NAA60: variants seen among roughly 807,000 people sequenced by gnomAD.
NAA60 encodes N-alpha-acetyltransferase 60.
A neutral mutation model predicts 26.1 loss-of-function variants in NAA60; 8 were observed. The observed-to-expected ratio is 0.31, with a 90% CI of 0.18 to 0.55. The LOEUF (loss-of-function observed/expected upper bound fraction) is 0.55. NAA60 is among the 20% of genes least tolerant of loss of function. The pLI is 0.93. For missense variants in NAA60, 290 were observed against 311.3 expected (o/e 0.93, Z 0.51); for synonymous variants, 131 against 122.5 (o/e 1.07, Z -0.46).
At chr16:3,443,646 G>A, upstream of NAA60, 9 of 1,165,758 alleles carry the variant, frequency 7.7e-6, no homozygotes, top group Non-Finnish European at 1.0e-5. Flanking sequence ...AGCTGCGAGA[G>A]GTAGTTTTCC....
At chr16:3,458,351 G>A (rs2035131544) in intron 2 of NAA60, among the ~76,000 whole-genome samples, 1 of 151,546 alleles carries the variant, frequency 6.6e-6, no homozygotes, top group African/African-American at 2.4e-5. Flanking sequence ...CGGTCCTCCC[G>A]GGAGCCGGTT....
In NAA60 at chr16:3,447,507, AC is replaced by A. The variant is rs544383789; in HGVS notation, c.-76-963del. The A allele has an allele frequency of 1.3e-4, 132 of 985,386 alleles. 1 individual carries two copies. The African/African-American group carries it at 2.1e-3, about 16-fold the overall frequency. The allele number at this position is 985,386 out of a possible 1,614,324, so 61.0% of individuals were successfully genotyped here. The stretch of plus-strand genomic sequence containing the variant: ...ATGGTACTGCCTTTTAAGGTCTATT[AC>A]TTAAACATAAGTATGGCTCTGGTTC... On this transcript the variant is annotated intron_variant, in intron 1 of 7. Coordinates refer to ENST00000407558, the MANE Select transcript of NAA60 (RefSeq NM_001083601.3).
chr16:3,472,428 A>G (rs1056845321), intron 2 of NAA60: 1 of 151,958 alleles, frequency 6.6e-6, no homozygotes, highest in Non-Finnish European at 1.5e-5. Context: ...TGTTTTGTTT[A>G]TTTTTTGAGA....
intron 4 of NAA60, 151 bp from the exon 5 acceptor site, chr16:3,482,351 C>A (rs979581621): frequency 4.6e-6 from 3 of 650,638 alleles, no homozygotes; most frequent in Non-Finnish European, 8.2e-6. Flanking sequence ...GGAGTGGGGG[C>A]CCCTCTCCAG....
At chr16:3,482,473 C>G (rs557757146) in intron 4 of NAA60, 29 bp from the exon 5 acceptor site, 3 of 1,549,908 alleles carry the variant, frequency 1.9e-6, no homozygotes, top group Non-Finnish European at 2.6e-6. Context: ...GACGTGTGAG[C>G]CTGACTTTCT....
intron 2 of NAA60, chr16:3,458,011 C>T: frequency 2.0e-6 from 2 of 985,318 alleles, no homozygotes; most frequent in Non-Finnish European, 2.4e-6. Flanking sequence ...GCGCTGCCGG[C>T]AGGGAGCGGG....
At chr16:3,480,818 A>G (rs60045698) in intron 4 of NAA60, among the ~76,000 whole-genome samples, 3,071 of 152,252 alleles carry the variant, frequency 0.02, 100 homozygotes, top group African/African-American at 0.07. Flanking sequence ...AGGCACAAGA[A>G]TCACTTGAAC....
At chr16:3,473,535 G>A (rs978592505) in intron 2 of NAA60, among the ~76,000 whole-genome samples, 8 of 152,144 alleles carry the variant, frequency 5.3e-5, no homozygotes, top group Non-Finnish European at 2.9e-5. Flanking sequence ...TGGGAATTTT[G>A]GGAGCTACAA....
At chr16:3,448,590 G>C (rs935594747) in intron 2 of NAA60, 50 bp downstream of exon 2, 43 of 1,452,720 alleles carry the variant, frequency 3.0e-5, no homozygotes, top group Non-Finnish European at 3.8e-5. Flanking sequence ...CTCATAGTCA[G>C]AGGAAGCCTA....
chr16:3,462,188 GA>G (rs1269148814), intron 2 of NAA60, among the ~76,000 whole-genome samples: 1 of 150,326 alleles, frequency 6.7e-6, no homozygotes, highest in Non-Finnish European at 1.5e-5. Flanking sequence ...CTGTATTCCT[GA>G]AATAGGGTCG....
chr16:3,479,650 G>C, intron 4 of NAA60, 50 bp downstream of exon 4: 3 of 1,594,972 alleles, frequency 1.9e-6, no homozygotes, highest in Non-Finnish European at 2.6e-6. Context: ...CATTGGACGG[G>C]CCAAGGGGGC....
intron 1 of NAA60, among the ~76,000 whole-genome samples, chr16:3,445,274 C>CTTTTTTTTTT (rs1452284919): frequency 2.4e-5 from 3 of 125,532 alleles, no homozygotes; most frequent in Non-Finnish European, 4.8e-5. Flanking sequence ...TTGTGCTTAT[C>CTTTTTTTTTT]TCTTTTTTTT....
At chr16:3,470,330 A>G (rs2036048927) in intron 2 of NAA60, among the ~76,000 whole-genome samples, 1 of 152,162 alleles carries the variant, frequency 6.6e-6, no homozygotes. Flanking sequence ...CCCAGCCTGT[A>G]GGTGAAGGTG....
rs1228233879 is a variant in NAA60 at position 3,462,086 on chromosome 16, CA to C, written c.-7+13565del. Reference sequence around the variant, plus strand: ...GGAGTGATAGAGCCAGACCTTATATCAAAAAAAAAAAAAAAAAAACCTTTCA... The same window carrying C: ...GGAGTGATAGAGCCAGACCTTATATCAAAAAAAAAAAAAAAAAACCTTTCA... On this transcript the variant is annotated intron_variant, in intron 2 of 7. Coordinates refer to ENST00000407558, the MANE Select transcript of NAA60 (RefSeq NM_001083601.3). Among the ~76,000 whole-genome samples the C allele has an allele frequency of 3.1e-3, 241 of 76,770 alleles. 1 individual carries two copies. Among genetic ancestry groups the C allele is most frequent in the Middle Eastern group, 7.8e-3 (1 of 128 alleles). The allele number at this position is 76,770 out of a possible 152,430, so 50.4% of individuals were successfully genotyped here.
Position 3,463,585 on chromosome 16 carries a change from G to A in NAA60, c.-6-12637G>A, listed in dbSNP as rs143882456. Among the ~76,000 whole-genome samples the A allele has an allele frequency of 9.6e-4, 144 of 149,936 alleles. No homozygotes were observed. In the Middle Eastern group the frequency reaches 0.014, roughly 15 times the overall value. On this transcript the variant is annotated intron_variant, in intron 2 of 7. Transcript: ENST00000407558. The stretch of plus-strand genomic sequence containing the variant: ...AAAAAAAAAAAAAATGCAAGCTGGC[G>A]CGGATGCAGTGGCTGAGACCTGTAA...
chr16:3,457,468 C>T (rs1454617452), intron 2 of NAA60, among the ~76,000 whole-genome samples: 2 of 152,198 alleles, frequency 1.3e-5, no homozygotes, highest in Non-Finnish European at 2.9e-5. Context: ...CGCGTTAGAT[C>T]TTGCATTATA....
chr16:3,462,099 A>C (rs937617624), intron 2 of NAA60, among the ~76,000 whole-genome samples: 4 of 151,712 alleles, frequency 2.6e-5, no homozygotes, highest in Admixed American at 6.6e-5. Flanking sequence ...AAAAAAAAAA[A>C]AAAAAACCTT....
chr16:3,451,242 G>A (rs970947897), intron 2 of NAA60, among the ~76,000 whole-genome samples: 1 of 152,140 alleles, frequency 6.6e-6, no homozygotes, highest in African/African-American at 2.4e-5. Flanking sequence ...CATTTCACTT[G>A]CACGCCTTTT....
intron 2 of NAA60, among the ~76,000 whole-genome samples, chr16:3,466,196 A>G (rs533558093): frequency 6.0e-4 from 91 of 152,378 alleles, no homozygotes; most frequent in Middle Eastern, 3.4e-3. Flanking sequence ...TCATAAAAAC[A>G]GAATCCTCCA....
Sources: gnomAD v4.1 joint callset for allele counts (sites outside exome capture counted in the v4.1 genomes callset) on GRCh38, gnomAD v4.1.1 for gene constraint, MANE v1.5 for transcripts, NCBI Gene and HGNC (gene_info 2026-07-23, HGNC 2026-07-21) for gene names.